Variants in CSGALNACT1 observed in about 807,000 individuals in gnomAD.
CSGALNACT1 encodes the protein chondroitin sulfate N-acetylgalactosaminyltransferase 1.
CSGALNACT1 carries 52 observed loss-of-function variants against 51.0 expected under a neutral mutation model. That is an observed-to-expected ratio of 1.02 (90% confidence interval 0.82 to 1.29). CSGALNACT1 has a LOEUF of 1.29. CSGALNACT1 is among the 50% of genes most tolerant of loss of function. The pLI, the probability that CSGALNACT1 is intolerant of heterozygous loss-of-function variation, is 0.00. For missense variants in CSGALNACT1, 935 were observed against 679.2 expected (o/e 1.38, Z -4.19); for synonymous variants, 341 against 254.4 (o/e 1.34, Z -3.24).
chr8:19,505,166 T>A, intron 4 of CSGALNACT1, 35 bp downstream of exon 3: 1 of 1,613,586 alleles, frequency 6.2e-7, no homozygotes, highest in Non-Finnish European at 8.5e-7. Context: ...CAATTCCTTT[T>A]CTTCTCCTTT....
At chr8:19,616,636 C>T (rs2053057246) in intron 1 of CSGALNACT1, among the ~76,000 whole-genome samples, 1 of 152,112 alleles carries the variant, frequency 6.6e-6, no homozygotes, top group African/African-American at 2.4e-5. Flanking sequence ...TGGTACTGTC[C>T]TTGCAAGATC....
rs1218584173 is a variant in CSGALNACT1, at chr8:19,558,258, GT to G, written c.-297+32901del. On this transcript the variant is annotated intron_variant, in intron 3 of 9. Transcript: ENST00000454498. ...TGGCACACTTTTACATTCACTTTGG[GT>G]TTTTTTGTGGATTCATGGCTCTTTA... Among the ~76,000 whole-genome samples the G allele has an allele frequency of 6.6e-5, 10 of 152,244 alleles. No individual in the cohort carries two copies. The East Asian group carries it at 1.7e-3, about 26-fold the overall frequency.
At chr8:19,505,538 T>C in exon 4 of CSGALNACT1, 1 of 1,613,968 alleles carries the variant, frequency 6.2e-7, no homozygotes, top group Non-Finnish European at 8.5e-7. Flanking sequence ...CATCGCTGGC[T>C]TGGTACTGCC....
intron 5 of CSGALNACT1, 39 bp from the exon 5 acceptor site, chr8:19,439,970 C>T: frequency 6.6e-7 from 1 of 1,521,212 alleles, no homozygotes; most frequent in Non-Finnish European, 9.1e-7. Flanking sequence ...CACCTGTTTT[C>T]ACACTGACAG....
At chr8:19,621,832 C>T (rs1175909658) in intron 1 of CSGALNACT1, among the ~76,000 whole-genome samples, 1 of 152,174 alleles carries the variant, frequency 6.6e-6, no homozygotes, top group Non-Finnish European at 1.5e-5. Context: ...TCATCAATGG[C>T]AAGAGTGATT....
chr8:19,666,831 G>GAGAA (rs34197786), intron 1 of CSGALNACT1, among the ~76,000 whole-genome samples: 465 of 24,722 alleles, frequency 0.019, 5 homozygotes, highest in East Asian at 0.037. Flanking sequence ...GAGAGAGAGA[G>GAGAA]AGAAAGAAAG....
chr8:19,662,064 ACCCCCCCCCACCC>A (rs780990567), intron 1 of CSGALNACT1, among the ~76,000 whole-genome samples: 2 of 37,088 alleles, frequency 5.4e-5, no homozygotes, highest in African/African-American at 1.0e-4. Context: ...AGTTGCCCCC[ACCCCCCCCCACCC>A]CCCCCCCCCC....
At chr8:19,698,746 A>T (rs1045871109) in intron 1 of CSGALNACT1, among the ~76,000 whole-genome samples, 3 of 149,804 alleles carry the variant, frequency 2.0e-5, no homozygotes, top group Admixed American at 2.0e-4. Flanking sequence ...TGCAGCTGCT[A>T]TGGAAAAGAG....
intron 8 of CSGALNACT1, among the ~76,000 whole-genome samples, chr8:19,413,990 C>A (rs1394326517): frequency 6.6e-6 from 1 of 152,152 alleles, no homozygotes; most frequent in Non-Finnish European, 1.5e-5. Context: ...AACAAGGGCT[C>A]AGGGCTTGCA....
At chr8:19,729,125 A>C (rs1438921627) in intron 1 of CSGALNACT1, among the ~76,000 whole-genome samples, 1 of 151,872 alleles carries the variant, frequency 6.6e-6, no homozygotes, top group African/African-American at 2.4e-5. Context: ...GATACAACTA[A>C]GTGAAGACTG....
At chr8:19,666,890 A>AAAGT (rs1554794653) in intron 1 of CSGALNACT1, among the ~76,000 whole-genome samples, 1 of 135,804 alleles carries the variant, frequency 7.4e-6, no homozygotes, top group Non-Finnish European at 1.5e-5. Context: ...AGAAAGAGAG[A>AAAGT]GAGGAAGTGA....
chr8:19,722,278 A>G (rs953825104), intron 1 of CSGALNACT1, among the ~76,000 whole-genome samples: 2 of 152,208 alleles, frequency 1.3e-5, no homozygotes, highest in Non-Finnish European at 2.9e-5. Flanking sequence ...TGGCACATAA[A>G]GGGCCTCCAT....
intron 4 of CSGALNACT1, among the ~76,000 whole-genome samples, chr8:19,470,047 T>C (rs1271415109): frequency 1.3e-5 from 2 of 152,050 alleles, no homozygotes; most frequent in African/African-American, 4.8e-5. Context: ...AAAAGCAACA[T>C]ACTTCCTTCA....
intron 3 of CSGALNACT1, among the ~76,000 whole-genome samples, chr8:19,569,943 TAAAG>T (rs1387832440): frequency 6.6e-6 from 1 of 152,076 alleles, no homozygotes; most frequent in Non-Finnish European, 1.5e-5. Flanking sequence ...AAGTCACACA[TAAAG>T]GAAGATATAC....
At chr8:19,433,199 C>T (rs1464247917) in intron 6 of CSGALNACT1, among the ~76,000 whole-genome samples, 1 of 152,164 alleles carries the variant, frequency 6.6e-6, no homozygotes, top group African/African-American at 2.4e-5. Flanking sequence ...ATGACTGGAA[C>T]CAGTAAGTCT....
intron 1 of CSGALNACT1, among the ~76,000 whole-genome samples, chr8:19,672,414 T>C (rs2059864120): frequency 6.6e-6 from 1 of 152,322 alleles, no homozygotes; most frequent in South Asian, 2.1e-4. Context: ...GCAATGTTTC[T>C]CTTCTCCCAC....
intron 5 of CSGALNACT1, among the ~76,000 whole-genome samples, chr8:19,449,875 G>A (rs1463044576): frequency 1.3e-5 from 2 of 151,726 alleles, no homozygotes; most frequent in African/African-American, 2.4e-5. Context: ...CCCTCAGAGA[G>A]GCTCAGAGAT....
intron 5 of CSGALNACT1, among the ~76,000 whole-genome samples, chr8:19,450,678 G>C (rs1057205592): frequency 2.0e-5 from 3 of 152,106 alleles, no homozygotes; most frequent in Non-Finnish European, 4.4e-5. Context: ...AGGCTGTAAA[G>C]TGATCTTTAC....
At chr8:19,451,594 C>T (rs929541568) in intron 5 of CSGALNACT1, among the ~76,000 whole-genome samples, 9 of 152,194 alleles carry the variant, frequency 5.9e-5, no homozygotes, top group Non-Finnish European at 1.3e-4. Flanking sequence ...AGAATATACC[C>T]GTGCCTGGCC....
Sources: allele counts gnomAD v4.1 joint callset (sites outside exome capture counted in the v4.1 genomes callset), GRCh38; gene constraint gnomAD v4.1.1; transcripts MANE v1.5; gene names NCBI Gene and HGNC (gene_info 2026-07-23, HGNC 2026-07-21).